Variants in BTBD9 observed in about 807,000 individuals in gnomAD.
BTBD9 encodes the protein BTB domain containing 9.
In BTBD9, 49 loss-of-function variants were observed where a neutral mutation model predicts 64.3. That is an observed-to-expected ratio of 0.76 (90% CI 0.61 to 0.97). The LOEUF is 0.97. Ranked by LOEUF, BTBD9 falls within the 50% of genes least tolerant of loss-of-function variation. The pLI, the probability that BTBD9 is intolerant of heterozygous loss-of-function variation, is 0.00. For missense variants in BTBD9, 598 were observed against 762.1 expected (o/e 0.78, Z 2.53); for synonymous variants, 260 against 274.7 (o/e 0.95, Z 0.53).
At chr6:38,273,843 A>G (rs1333725859) in intron 8 of BTBD9, among the ~76,000 whole-genome samples, 1 of 152,176 alleles carries the variant, frequency 6.6e-6, no homozygotes, top group Non-Finnish European at 1.5e-5. Context: ...GAGTCAGGAG[A>G]GATGGAGGAG....
chr6:38,628,568 C>T (rs761553223), intron 1 of BTBD9, among the ~76,000 whole-genome samples: 5 of 152,016 alleles, frequency 3.3e-5, no homozygotes, highest in Non-Finnish European at 7.4e-5. Context: ...GAATAAACTC[C>T]GCAGTGTAGG....
intron 9 of BTBD9, among the ~76,000 whole-genome samples, chr6:38,220,164 G>C (rs1401015009): frequency 6.6e-6 from 1 of 152,208 alleles, no homozygotes; most frequent in Non-Finnish European, 1.5e-5. Context: ...GGTGTTGGGG[G>C]ACATGCCCTA....
chr6:38,585,258 C>G (rs987867563), intron 4 of BTBD9, among the ~76,000 whole-genome samples: 1 of 152,166 alleles, frequency 6.6e-6, no homozygotes, highest in Non-Finnish European at 1.5e-5. Context: ...TGGGAAGATA[C>G]AAATAGCATC....
At chr6:38,463,459 G>A (rs78281108) in intron 6 of BTBD9, among the ~76,000 whole-genome samples, 3 of 152,210 alleles carry the variant, frequency 2.0e-5, no homozygotes, top group African/African-American at 4.8e-5. Context: ...TAGTCCTGAC[G>A]TTAGGAGGAG....
At chr6:38,549,766 T>C (rs908036173) in intron 6 of BTBD9, among the ~76,000 whole-genome samples, 2 of 152,128 alleles carry the variant, frequency 1.3e-5, no homozygotes, top group African/African-American at 4.8e-5. Flanking sequence ...TCCCAGTCCC[T>C]CTCTCCATTT....
At chr6:38,374,836 C>T (rs1562096585) in intron 6 of BTBD9, among the ~76,000 whole-genome samples, 1 of 152,108 alleles carries the variant, frequency 6.6e-6, no homozygotes, top group Non-Finnish European at 1.5e-5. Flanking sequence ...TTTCCTCTGA[C>T]TATAGTGGCA....
intron 9 of BTBD9, among the ~76,000 whole-genome samples, chr6:38,213,022 G>A (rs915501244): frequency 2.1e-5 from 3 of 144,478 alleles, no homozygotes; most frequent in South Asian, 4.4e-4. Context: ...AATTTCAGGT[G>A]TTTTTTTTTT....
chr6:38,195,943 T>C (rs1323411445), intron 9 of BTBD9, among the ~76,000 whole-genome samples: 2 of 152,228 alleles, frequency 1.3e-5, no homozygotes, highest in African/African-American at 4.8e-5. Context: ...TTGAACTTGG[T>C]AGAATGTCTA....
chr6:38,522,402 A>G (rs1773311890), intron 6 of BTBD9, among the ~76,000 whole-genome samples: 1 of 152,028 alleles, frequency 6.6e-6, no homozygotes, highest in Non-Finnish European at 1.5e-5. Context: ...TAAGATTACT[A>G]ATGGCCTTCT....
chr6:38,336,684 C>T (rs575514241), intron 7 of BTBD9, among the ~76,000 whole-genome samples: 8 of 152,194 alleles, frequency 5.3e-5, no homozygotes, highest in Middle Eastern at 3.4e-3. Flanking sequence ...ATATCCCTGA[C>T]CCAATTTATA....
At chr6:38,374,309 A>ATATATATATATATATATATGTG (rs1562095621) in intron 6 of BTBD9, among the ~76,000 whole-genome samples, 2 of 105,686 alleles carry the variant, frequency 1.9e-5, no homozygotes, top group Non-Finnish European at 1.9e-5. Flanking sequence ...ATATATATGT[A>ATATATATATATATATATATGTG]TATATATATA....
chr6:38,210,273 C>T (rs1232512247), intron 9 of BTBD9, among the ~76,000 whole-genome samples: 3 of 151,814 alleles, frequency 2.0e-5, no homozygotes, highest in Non-Finnish European at 4.4e-5. Context: ...GATAATAGCA[C>T]GAACATAATT....
intron 6 of BTBD9, among the ~76,000 whole-genome samples, chr6:38,393,180 C>T (rs1291028947): frequency 6.6e-6 from 1 of 152,142 alleles, no homozygotes; most frequent in Non-Finnish European, 1.5e-5. Flanking sequence ...AGGCGTGAGC[C>T]ACTATGACCA....
At chr6:38,282,961 A>G (rs959753712) in intron 8 of BTBD9, among the ~76,000 whole-genome samples, 1 of 152,274 alleles carries the variant, frequency 6.6e-6, no homozygotes, top group Admixed American at 6.5e-5. Context: ...GAGAGCACCA[A>G]TGTTTATTTT....
At chr6:38,419,222 C>A (rs1015332474) in intron 6 of BTBD9, among the ~76,000 whole-genome samples, 1 of 152,122 alleles carries the variant, frequency 6.6e-6, no homozygotes. Context: ...GACCCTGTCT[C>A]TTTACTTAAG....
chr6:38,437,535 T>C (rs1252182995), intron 6 of BTBD9, among the ~76,000 whole-genome samples: 1 of 152,202 alleles, frequency 6.6e-6, no homozygotes, highest in Non-Finnish European at 1.5e-5. Context: ...TATTGTTATT[T>C]CTTTGAAAAA....
At chr6:38,347,044 T>C (rs1764310018) in intron 6 of BTBD9, among the ~76,000 whole-genome samples, 1 of 152,210 alleles carries the variant, frequency 6.6e-6, no homozygotes, top group Non-Finnish European at 1.5e-5. Flanking sequence ...CAGGCTGACC[T>C]AAGGGATGCA....
At chr6:38,270,604 T>C (rs1367958979) in intron 8 of BTBD9, among the ~76,000 whole-genome samples, 1 of 152,046 alleles carries the variant, frequency 6.6e-6, no homozygotes, top group South Asian at 2.1e-4. Context: ...TGAGGTAACC[T>C]CCAAGGCGCT....
chr6:38,531,250 T>C (rs1279993541), intron 6 of BTBD9, among the ~76,000 whole-genome samples: 1 of 152,152 alleles, frequency 6.6e-6, no homozygotes, highest in Admixed American at 6.5e-5. Context: ...AGAAGACTTC[T>C]CAGAAGAAAC....
Sources: gnomAD v4.1 joint callset for allele counts (sites outside exome capture counted in the v4.1 genomes callset) on GRCh38, gnomAD v4.1.1 for gene constraint, MANE v1.5 for transcripts, NCBI Gene and HGNC (gene_info 2026-07-23, HGNC 2026-07-21) for gene names.